Variants in FRMD4A observed in about 807,000 individuals in gnomAD.
The protein encoded by FRMD4A is FERM domain-containing protein 4A.
FRMD4A carries 29 observed loss-of-function variants against 129.1 expected under a neutral mutation model. The observed-to-expected ratio is 0.22, with a 90% confidence interval of 0.17 to 0.31. The LOEUF (loss-of-function observed/expected upper bound fraction) is 0.31, where lower values mean the gene tolerates loss of function less well. Ranked by LOEUF, FRMD4A falls within the 10% of genes least tolerant of loss-of-function variation. The pLI is 1.00. For synonymous variants in FRMD4A, 634 were observed against 571.6 expected, an observed-to-expected ratio of 1.11 and a Z score of -1.56; for missense variants, 1,272 against 1,375.8, an observed-to-expected ratio of 0.92 and a Z score of 1.19.
At chr10:14,167,096 A>G (rs1332239486) in intron 2 of FRMD4A, among the ~76,000 whole-genome samples, 2 of 152,190 alleles carry the variant, frequency 1.3e-5, no homozygotes, top group Non-Finnish European at 2.9e-5. Flanking sequence ...GAATAATTAG[A>G]ATGTTCCGAG....
At chr10:13,647,070 A>G in intron 24 of FRMD4A, 35 bp from the exon 25 acceptor site, 2 of 475,476 alleles carry the variant, frequency 4.2e-6, no homozygotes, top group South Asian at 1.9e-4. Flanking sequence ...TGAGACAGTT[A>G]GTTAGTGGAG....
At chr10:13,828,717 A>C (rs1282756202) in intron 3 of FRMD4A, among the ~76,000 whole-genome samples, 1 of 152,000 alleles carries the variant, frequency 6.6e-6, no homozygotes. Context: ...TTTTTAGTAG[A>C]GACAGGGTTT....
intron 2 of FRMD4A, among the ~76,000 whole-genome samples, chr10:13,941,454 T>C (rs934574925): frequency 6.6e-6 from 1 of 152,170 alleles, no homozygotes; most frequent in South Asian, 2.1e-4. Context: ...ACTAATACAG[T>C]GTGTATGCAA....
chr10:13,901,989 A>T (rs1334319577), intron 2 of FRMD4A, among the ~76,000 whole-genome samples: 1 of 152,186 alleles, frequency 6.6e-6, no homozygotes, highest in Non-Finnish European at 1.5e-5. Context: ...GATTTCACTA[A>T]ATAAGAAGAT....
intron 2 of FRMD4A, among the ~76,000 whole-genome samples, chr10:14,264,955 T>C (rs992265682): frequency 2.0e-5 from 3 of 152,184 alleles, no homozygotes; most frequent in Non-Finnish European, 2.9e-5. Context: ...CTAATTTTTG[T>C]ATTTTTTAGT....
At chr10:14,047,463 G>A (rs1834037659) in intron 2 of FRMD4A, among the ~76,000 whole-genome samples, 1 of 152,126 alleles carries the variant, frequency 6.6e-6, no homozygotes, top group Non-Finnish European at 1.5e-5. Context: ...CATTTAAGAG[G>A]CCAGAGGCTG....
chr10:13,985,409 G>A (rs1379139978), intron 2 of FRMD4A, among the ~76,000 whole-genome samples: 2 of 152,212 alleles, frequency 1.3e-5, no homozygotes, highest in Non-Finnish European at 2.9e-5. Context: ...GGTGGTTTGA[G>A]GGGTTGGTGG....
intron 2 of FRMD4A, among the ~76,000 whole-genome samples, chr10:14,154,044 C>T (rs993250189): frequency 2.0e-5 from 3 of 152,250 alleles, no homozygotes; most frequent in Admixed American, 6.5e-5. Context: ...GCTCTTCCAG[C>T]GCCTGAGGGA....
chr10:13,702,485 A>T lies in FRMD4A; in HGVS notation c.837-1007T>A, dbSNP rs116706084. ...TATGGTCATGCTCTTAGTGAAGTAT[A>T]TTTTATAGGATAGGCAGATTATTTT... On this transcript the variant is annotated intron_variant, in intron 13 of 24. Transcript: ENST00000357447. 8.1e-3 allele frequency among the ~76,000 whole-genome samples: 1,227 copies of T among 152,156 alleles called. 9 individuals are homozygous for T. Among genetic ancestry groups the T allele is most frequent in the African/African-American group, 0.026 (1,099 of 41,484 alleles).
intron 2 of FRMD4A, among the ~76,000 whole-genome samples, chr10:14,281,944 G>A (rs1388594720): frequency 6.6e-6 from 1 of 152,140 alleles, no homozygotes; most frequent in African/African-American, 2.4e-5. Context: ...CCCAGAGATT[G>A]GGTGATTTAT....
rs561630767 is a variant in FRMD4A, at chr10:14,209,946, A to G, written c.45+120112T>C. Among the ~76,000 whole-genome samples, 20 of 152,214 alleles carry G rather than the reference A, an allele frequency of 1.3e-4. No homozygotes were observed. In the South Asian group the frequency reaches 3.3e-3, roughly 25 times the overall value. On this transcript the variant is annotated intron_variant, in intron 2 of 24. Transcript: ENST00000357447. The stretch of plus-strand genomic sequence containing the variant: ...GGAAGCCATGTGAAGATGGAAGCAG[A>G]GATTGGAGTGATGAGGCCACAAGGC...
At chr10:13,813,226 C>T (rs1564844548) in intron 3 of FRMD4A, among the ~76,000 whole-genome samples, 2 of 152,232 alleles carry the variant, frequency 1.3e-5, no homozygotes, top group Non-Finnish European at 2.9e-5. Flanking sequence ...GGGCAGATTG[C>T]GTGAGGTCAG....
intron 6 of FRMD4A, among the ~76,000 whole-genome samples, chr10:13,768,850 G>A (rs2092368643): frequency 6.6e-6 from 1 of 151,898 alleles, no homozygotes; most frequent in Non-Finnish European, 1.5e-5. Context: ...GAAGTGACTT[G>A]GAAATATAAA....
chr10:13,897,754 T>C (rs2094774069), intron 2 of FRMD4A, among the ~76,000 whole-genome samples: 1 of 151,198 alleles, frequency 6.6e-6, no homozygotes, highest in Non-Finnish European at 1.5e-5. Flanking sequence ...CTGGTCAACA[T>C]GGTGAAACCC....
Position 13,656,906 on chromosome 10 carries a change from G to A in FRMD4A, c.2683C>T (p.Arg895Cys), listed in dbSNP as rs370425803. 177 of 1,486,748 alleles carry A rather than the reference G, an allele frequency of 1.2e-4. No individual in the cohort carries two copies. Among genetic ancestry groups the A allele is most frequent in the East Asian group, 2.8e-4 (10 of 36,054 alleles). The allele number at this position is 1,486,748 out of a possible 1,614,324, so 92.1% of individuals were successfully genotyped here. A position where few individuals can be genotyped will look rare whatever the true frequency, so the allele number is the denominator to read the frequency against. ...ATCTGCGATCGCGACGGCGTCAGGC[G>A]GCCCGTGTCGCCCTCGTCGCCGCCG... ...GGGGDEGDTG[R>C]LTPSRSQILR... The change falls in exon 22 of 25, where the codon CGC becomes TGC. Residue 895 changes from arginine (R) to cysteine (C), a missense_variant. Physicochemically the swap from Arg to Cys is radical, Grantham distance 180 (BLOSUM62 -3). Coordinates refer to ENST00000357447, the MANE Select transcript of FRMD4A (RefSeq NM_018027.5).
At chr10:13,729,192 C>CCAG (rs2090147550) in intron 12 of FRMD4A, among the ~76,000 whole-genome samples, 1 of 151,512 alleles carries the variant, frequency 6.6e-6, no homozygotes, top group South Asian at 2.1e-4. Flanking sequence ...TGATAACATA[C>CCAG]GAGAAGGCCC....
intron 12 of FRMD4A, among the ~76,000 whole-genome samples, chr10:13,714,027 C>CATATATATAAAAT (rs1554858885): frequency 3.2e-5 from 1 of 31,170 alleles, no homozygotes; most frequent in Non-Finnish European, 5.1e-5. Flanking sequence ...ATAAAATATA[C>CATATATATAAAAT]ATATATATAT....
chr10:14,195,780 G>A (rs1331174826), intron 2 of FRMD4A, among the ~76,000 whole-genome samples: 1 of 152,156 alleles, frequency 6.6e-6, no homozygotes, highest in Non-Finnish European at 1.5e-5. Context: ...CAACTCCTTG[G>A]ATCCAGTGTA....
At chr10:13,670,661 G>T in intron 16 of FRMD4A, 133 bp from the exon 17 acceptor site, 2 of 759,758 alleles carry the variant, frequency 2.6e-6, no homozygotes, top group Non-Finnish European at 4.2e-6. Context: ...CAACGCTTAT[G>T]CTAGAAATGT....
Sources: gnomAD v4.1 joint callset for allele counts (sites outside exome capture counted in the v4.1 genomes callset) on GRCh38, gnomAD v4.1.1 for gene constraint, MANE v1.5 for transcripts, NCBI Gene and HGNC (gene_info 2026-07-23, HGNC 2026-07-21) for gene names.